The following BOD1L1 variants were observed in gnomAD, a reference collection of about 807,000 sequenced individuals.
The protein encoded by BOD1L1 is biorientation of chromosomes in cell division protein 1-like 1.
BOD1L1 carries 86 observed loss-of-function variants against 240.7 expected under a neutral mutation model. That is an observed-to-expected ratio of 0.36 (90% CI 0.30 to 0.43). BOD1L1 has a LOEUF of 0.43. Ranked by LOEUF, BOD1L1 falls within the 20% of genes least tolerant of loss-of-function variation. The pLI is 1.00. For missense variants in BOD1L1, 3,554 were observed against 3,643.5 expected (o/e 0.98, Z 0.63); for synonymous variants, 1,268 against 1,272.3 (o/e 1.00, Z 0.07).
Position 13,613,769 on chromosome 4 carries a change from C to T in BOD1L1, c.1175-108G>A, listed in dbSNP as rs1413263715. ...AAAATTTTCTGCTTTAAATACGTGT[C>T]AAACTATCAAACAAGGCAGAGTGGT... On this transcript the variant is annotated intron_variant, in intron 4 of 25. Coordinates refer to ENST00000040738, the MANE Select transcript of BOD1L1 (RefSeq NM_148894.3). The surrounding 1 kb of genome is among the most constrained non-coding windows in gnomAD (Gnocchi z 4.0). The T allele has an allele frequency of 1.2e-6, 1 of 811,146 alleles. No individual in the cohort carries two copies. Among genetic ancestry groups the T allele is most frequent in the African/African-American group, 1.7e-5 (1 of 58,396 alleles). 50.2% of individuals were successfully genotyped at this position (811,146 alleles called of 1,614,324 possible). A position where few individuals can be genotyped will look rare whatever the true frequency, so the allele number is the denominator to read the frequency against.
chr4:13,589,096 C>T (rs959076580), intron 14 of BOD1L1, among the ~76,000 whole-genome samples: 1 of 152,196 alleles, frequency 6.6e-6, no homozygotes, highest in Admixed American at 6.5e-5. Flanking sequence ...GCCCTTCCCC[C>T]CAGTTTGTGT....
rs761847065 is a variant in BOD1L1 at position 13,600,284 on chromosome 4, C to G, written c.6616G>C (p.Ala2206Pro). ...TCCTTCTCCTCCTTGCTGGTTGAGG[C>G]AAGAGGACTTTCAGCTTCTGGGGGC... ...SAPPEAESPL[A>P]STSKEEKDEC... Residue 2206 changes from alanine (A) to proline (P), a missense_variant, in exon 10 of 26, where the codon GCC (alanine) becomes CCC (proline). Ala to Pro is a conservative substitution (Grantham distance 27). Coordinates refer to ENST00000040738, the MANE Select transcript of BOD1L1 (RefSeq NM_148894.3). The G allele has an allele frequency of 1.2e-6, 2 of 1,614,064 alleles. No homozygotes were observed. Among genetic ancestry groups the G allele is most frequent in the Non-Finnish European group, 1.7e-6 (2 of 1,179,894 alleles).
chr4:13,591,859 C>G lies in BOD1L1; in HGVS notation c.8148+64G>C, dbSNP rs534080270. Reference sequence around the variant, plus strand: ...TTCAGATGGCTCCTCCTCAATAGCTCTCCAAAAAAATAAAATTAAAAAACC... The same window carrying G: ...TTCAGATGGCTCCTCCTCAATAGCTGTCCAAAAAAATAAAATTAAAAAACC... On this transcript the variant is annotated intron_variant, in intron 13 of 25. Coordinates refer to ENST00000040738, the MANE Select transcript of BOD1L1 (RefSeq NM_148894.3). 151 of 1,321,958 alleles carry G rather than the reference C, an allele frequency of 1.1e-4. No homozygotes were observed. The East Asian group carries it at 3.3e-3, about 29-fold the overall frequency. 81.9% of individuals were successfully genotyped at this position (1,321,958 alleles called of 1,614,324 possible).
intron 25 of BOD1L1, among the ~76,000 whole-genome samples, chr4:13,575,866 G>A (rs1242430121): frequency 6.7e-6 from 1 of 149,440 alleles, no homozygotes; most frequent in Non-Finnish European, 1.5e-5. Flanking sequence ...AGTTCAACAG[G>A]CTTCTTTCCT....
At position 13,601,567 on chromosome 4, in the gene BOD1L1, TCTC is replaced by T; in HGVS notation, c.5330_5332del (p.Gly1777del). On this transcript the variant is annotated inframe_deletion, in exon 10 of 26. Transcript: ENST00000040738. Reference sequence around the variant, plus strand: ...TTCTGTACCATCATTCACAGAACCATCTCCTTCTTGGCTGGCACTTGTTCCTGG... The same window carrying T: ...TTCTGTACCATCATTCACAGAACCATCTTCTTGGCTGGCACTTGTTCCTGG... 1 of 1,613,992 alleles carries T rather than the reference TCTC, an allele frequency of 6.2e-7. No individual in the cohort carries two copies. The highest frequency in any genetic ancestry group is 8.5e-7 in the Non-Finnish European group (1 of 1,179,888).
At chr4:13,617,816 A>C (rs1334008455) in intron 2 of BOD1L1, among the ~76,000 whole-genome samples, 1 of 152,158 alleles carries the variant, frequency 6.6e-6, no homozygotes, top group African/African-American at 2.4e-5. Context: ...ACGTACAAAA[A>C]ACTGTTTGAA....
In BOD1L1 at chr4:13,601,460, C is replaced by T. The variant is rs765311654; in HGVS notation, c.5440G>A (p.Glu1814Lys). ...ASCTGSEDSS[E>K]GFAISSESEE... ...GATTCAGAACTTATAGCAAAGCCTTCGCTGCTATCTTCTGAACCTGTGCAA... is the reference window on the plus strand; with the variant it reads ...GATTCAGAACTTATAGCAAAGCCTTTGCTGCTATCTTCTGAACCTGTGCAA... The change falls in exon 10 of 26, where the codon GAA becomes AAA. Residue 1814 changes from glutamate (E) to lysine (K), a missense_variant. Physicochemically the swap from Glu to Lys is moderately conservative, Grantham distance 56. Around this residue, in one of 2 missense-constraint regions of BOD1L1, gnomAD observed 3,393 missense variants for 3,427.1 expected, o/e 0.99. Coordinates refer to ENST00000040738, the MANE Select transcript of BOD1L1 (RefSeq NM_148894.3). The T allele has an allele frequency of 1.3e-5, 21 of 1,613,912 alleles. No homozygotes were observed. The highest frequency in any genetic ancestry group is 5.3e-5 in the African/African-American group (4 of 74,930).
chr4:13,597,810 A>G (rs7666266), intron 10 of BOD1L1, among the ~76,000 whole-genome samples: 4,792 of 152,292 alleles, frequency 0.031, 250 homozygotes, highest in African/African-American at 0.11. Context: ...ACTCCAGGCT[A>G]AATTCAACAG....
chr4:13,621,839 C>T (rs1051522887), intron 1 of BOD1L1, among the ~76,000 whole-genome samples: 2 of 151,132 alleles, frequency 1.3e-5, no homozygotes, highest in African/African-American at 4.9e-5. Context: ...TCCATTTATC[C>T]AAAATCGATA....
rs1716393053 is a variant in BOD1L1, at chr4:13,614,204, G to C, written c.1166C>G (p.Thr389Arg). ...TGCAAGTTTTTATATACCTTCTTTT[G>C]TCCCTTCAACAGTTTTAGCTTTATT... ...NSNKAKTVEGTKEDFSLIDSD... is the reference protein window; with the variant it reads ...NSNKAKTVEGRKEDFSLIDSD... Residue 389 changes from threonine to arginine, a missense_variant, in exon 4 of 26, where the codon ACA becomes AGA. Thr to Arg is a moderately conservative substitution (Grantham distance 71). Around this residue, in one of 2 missense-constraint regions of BOD1L1, gnomAD observed 3,393 missense variants for 3,427.1 expected, o/e 0.99. Coordinates refer to ENST00000040738, the MANE Select transcript of BOD1L1 (RefSeq NM_148894.3). 1.3e-6 allele frequency: 2 copies of C among 1,500,532 alleles called. No individual in the cohort carries two copies. Among genetic ancestry groups the C allele is most frequent in the Non-Finnish European group, 1.8e-6 (2 of 1,129,256 alleles). 93.0% of individuals were successfully genotyped at this position (1,500,532 alleles called of 1,614,324 possible). A position where few individuals can be genotyped will look rare whatever the true frequency, so the allele number is the denominator to read the frequency against.
chr4:13,573,956 C>T (rs1712476086), intron 25 of BOD1L1, among the ~76,000 whole-genome samples: 1 of 152,196 alleles, frequency 6.6e-6, no homozygotes, highest in East Asian at 1.9e-4. Context: ...GGATTACAGG[C>T]ATGAGCCACT....
At chr4:13,611,142 A>G (rs1384326870) in intron 5 of BOD1L1, 42 bp from the exon 6 acceptor site, 1 of 1,445,912 alleles carries the variant, frequency 6.9e-7, no homozygotes, top group Middle Eastern at 1.9e-4. Flanking sequence ...TCTGTGAATT[A>G]GCATAAAATC....
intron 17 of BOD1L1, among the ~76,000 whole-genome samples, chr4:13,584,040 G>A (rs1713443310): frequency 6.6e-6 from 1 of 152,174 alleles, no homozygotes; most frequent in African/African-American, 2.4e-5. Flanking sequence ...GATGTCAGAG[G>A]AGAGCTCACT....
chr4:13,577,054 AG>A, intron 24 of BOD1L1, 63 bp from the exon 25 acceptor site: 2 of 1,562,766 alleles, frequency 1.3e-6, no homozygotes, highest in Non-Finnish European at 1.7e-6. Flanking sequence ...CAAGAGAGAG[AG>A]TCATGGAGTT....
intron 25 of BOD1L1, among the ~76,000 whole-genome samples, chr4:13,571,181 C>G (rs918822167): frequency 6.6e-6 from 1 of 152,166 alleles, no homozygotes; most frequent in Non-Finnish European, 1.5e-5. Context: ...CACGATGATT[C>G]TCTAGGGCAG....
At chr4:13,587,488 T>TG (rs1215177781) in intron 16 of BOD1L1, among the ~76,000 whole-genome samples, 1 of 152,160 alleles carries the variant, frequency 6.6e-6, no homozygotes, top group East Asian at 1.9e-4. Context: ...ATCCAGCGGT[T>TG]GGGTCTTCTG....
Position 13,602,054 on chromosome 4 carries a change from C to T in BOD1L1, c.4846G>A (p.Gly1616Arg), listed in dbSNP as rs778575342. The T allele has an allele frequency of 3.2e-5, 51 of 1,613,936 alleles. No homozygotes were observed. The highest frequency in any genetic ancestry group is 3.8e-5 in the Non-Finnish European group (45 of 1,179,912). The change falls in exon 10 of 26, where the codon GGG (glycine) becomes AGG (arginine). Residue 1616 changes from glycine to arginine, a missense_variant. Around this residue, in one of 2 missense-constraint regions of BOD1L1, gnomAD observed 3,393 missense variants for 3,427.1 expected, o/e 0.99. Coordinates refer to ENST00000040738, the MANE Select transcript of BOD1L1 (RefSeq NM_148894.3). Reference protein sequence around the residue: ...FLTSTKEGESGECAVAESEDR... With the variant: ...FLTSTKEGESRECAVAESEDR... ...TCAGATTCAGCCACAGCACACTCCC[C>T]ACTTTCCCCTTCCTTAGTGCTTGTG...
At chr4:13,619,555 T>A (rs2108994845) in intron 2 of BOD1L1, among the ~76,000 whole-genome samples, 1 of 152,270 alleles carries the variant, frequency 6.6e-6, no homozygotes, top group South Asian at 2.1e-4. Context: ...ATATTTTAAT[T>A]TCAGTAATCT....
intron 14 of BOD1L1, among the ~76,000 whole-genome samples, chr4:13,589,748 G>A (rs1714042151): frequency 6.6e-6 from 1 of 152,108 alleles, no homozygotes; most frequent in South Asian, 2.1e-4. Context: ...TGTAAGATAG[G>A]GCAAAACTAG....
Sources: allele counts gnomAD v4.1 joint callset (sites outside exome capture counted in the v4.1 genomes callset), GRCh38; gene constraint gnomAD v4.1.1; regional missense constraint gnomAD v4.1.1; non-coding constraint Gnocchi (gnomAD v3.1); transcripts MANE v1.5; gene names NCBI Gene and HGNC (gene_info 2026-07-23, HGNC 2026-07-21).